Variants in RRBP1 observed in about 807,000 individuals in gnomAD.
RRBP1 encodes ribosome-binding protein 1.
A neutral mutation model predicts 165.2 loss-of-function variants in RRBP1; 94 were observed. The ratio of observed to expected loss-of-function variants is 0.57; its 90% CI spans 0.48 to 0.68. The LOEUF is 0.68. Ranked by LOEUF, RRBP1 falls within the 30% of genes least tolerant of loss-of-function variation. The pLI, the probability that RRBP1 is intolerant of heterozygous loss-of-function variation, is 0.00. For missense variants in RRBP1, 1,676 were observed against 1,763.0 expected (o/e 0.95, Z 0.88); for synonymous variants, 680 against 714.5 (o/e 0.95, Z 0.77).
Position 17,615,920 on chromosome 20 carries a change from C to T in RRBP1, c.3951+6G>A, listed in dbSNP as rs1331655935. ...GGGGGCTGAGAGCCACCAGGCAGGG[C>T]CTGACCTCCTCAAACTCGGCCGTGA... is the stretch of plus-strand genomic sequence containing the variant. On this transcript the variant is annotated splice_donor_region_variant and intron_variant, in intron 22 of 24. Coordinates refer to ENST00000377813, the MANE Select transcript of RRBP1 (RefSeq NM_001365613.2). 23 of 1,608,788 alleles carry T rather than the reference C, an allele frequency of 1.4e-5. No individual in the cohort carries two copies. Among genetic ancestry groups the T allele is most frequent in the Non-Finnish European group, 1.8e-5 (21 of 1,179,462 alleles).
chr20:17,627,436 G>A (rs376959703), intron 10 of RRBP1, 54 bp from the exon 11 acceptor site: 144 of 1,610,966 alleles, frequency 8.9e-5, no homozygotes, highest in Admixed American at 3.7e-4. Flanking sequence ...CTCACGCAGC[G>A]GGGCTAGTCC....
chr20:17,673,224 G>A (rs1048451540), intron 2 of RRBP1, among the ~76,000 whole-genome samples: 1 of 152,190 alleles, frequency 6.6e-6, no homozygotes, highest in Non-Finnish European at 1.5e-5. Context: ...CTGTTATGGA[G>A]CCCTGTTACT....
At chr20:17,617,681 TA>T (rs1678008337) in intron 20 of RRBP1, among the ~76,000 whole-genome samples, 1 of 152,240 alleles carries the variant, frequency 6.6e-6, no homozygotes, top group Non-Finnish European at 1.5e-5. Flanking sequence ...AGACCTGGCC[TA>T]GGCAGCACTG....
intron 4 of RRBP1, 41 bp downstream of exon 4, chr20:17,642,938 G>A (rs1238644389): frequency 4.4e-6 from 7 of 1,601,234 alleles, no homozygotes; most frequent in Non-Finnish European, 5.1e-6. Flanking sequence ...CTAGCCAGCT[G>A]CAGTGGCCTC....
At chr20:17,617,765 A>C (rs1043258172) in intron 20 of RRBP1, among the ~76,000 whole-genome samples, 1 of 152,082 alleles carries the variant, frequency 6.6e-6, no homozygotes, top group African/African-American at 2.4e-5. Context: ...CGTGTGCCGG[A>C]CTCACTGGCT....
intron 1 of RRBP1, among the ~76,000 whole-genome samples, chr20:17,680,847 C>G (rs751545039): frequency 6.6e-6 from 1 of 152,098 alleles, no homozygotes; most frequent in Non-Finnish European, 1.5e-5. Context: ...TGGCTCCTTC[C>G]TACAAGTGCT....
Position 17,660,384 on chromosome 20 carries a change from G to A in RRBP1, c.124C>T (p.Leu42=). 6.2e-7 allele frequency: 1 copy of A among 1,614,112 alleles called. No individual in the cohort carries two copies. The highest frequency in any genetic ancestry group is 1.7e-5 in the Admixed American group (1 of 60,010). Residue 42 remains leucine, a synonymous_variant, in exon 3 of 25, where the codon CTA becomes TTA. Coordinates refer to ENST00000377813, the MANE Select transcript of RRBP1 (RefSeq NM_001365613.2). ...GCCATCTCCTTGCGCTGGTTGGCTAGGGCTTCTTCATATGACGTTTCCTTC... is the reference window on the plus strand; with the variant it reads ...GCCATCTCCTTGCGCTGGTTGGCTAAGGCTTCTTCATATGACGTTTCCTTC... The part of the protein sequence containing the change: ...SMKETSYEEA[L]ANQRKEMAKT...
chr20:17,660,036 T>A lies in RRBP1; in HGVS notation c.472A>T (p.Asn158Tyr). 3 of 1,613,550 alleles carry A rather than the reference T, an allele frequency of 1.9e-6. No individual in the cohort carries two copies. The highest frequency in any genetic ancestry group is 2.5e-6 in the Non-Finnish European group (3 of 1,179,756). ...TTCGAAGTGAGAACCTGGATGGAATTCACTACAGAGCTGACAGCTGGTTCC... is the reference window on the plus strand; with the variant it reads ...TTCGAAGTGAGAACCTGGATGGAATACACTACAGAGCTGACAGCTGGTTCC... ...KVEPAVSSVV[N>Y]SIQVLTSKAA... Residue 158 changes from asparagine to tyrosine, a missense_variant, in exon 3 of 25, where the codon AAT (asparagine) becomes TAT (tyrosine). By Grantham distance (143) the Asn-to-Tyr change is moderately radical (BLOSUM62 -2). Transcript: ENST00000377813.
intron 3 of RRBP1, among the ~76,000 whole-genome samples, chr20:17,646,892 T>G (rs946439319): frequency 3.3e-5 from 5 of 152,188 alleles, no homozygotes; most frequent in African/African-American, 1.2e-4. Flanking sequence ...AGTGGCCTCA[T>G]GAGACTCAGC....
rs182919204 is a variant in RRBP1 at position 17,643,047 on chromosome 20, C to G, written c.1993G>C (p.Gly665Arg). 1 of 1,614,122 alleles carries G rather than the reference C, an allele frequency of 6.2e-7. No homozygotes were observed. Among genetic ancestry groups the G allele is most frequent in the Non-Finnish European group, 8.5e-7 (1 of 1,180,028 alleles). Residue 665 changes from glycine to arginine, a missense_variant, in exon 4 of 25, where the codon GGC (glycine) becomes CGC (arginine). This residue lies in a region of RRBP1 where 1,184 missense variants were observed against 1,167.1 expected (regional missense o/e 1.01). Coordinates refer to ENST00000377813, the MANE Select transcript of RRBP1 (RefSeq NM_001365613.2). This position sits in a 1 kb window ranked among gnomAD's most constrained non-coding sequence, Gnocchi z 4.3. ...ATCTCGATGAGCCGCTGGGCCTCGC[C>G]CTCGTTGAACACCATGCTCCCAACC... ...STVGSMVFNE[G>R]EAQRLIEILS... is the part of the protein sequence containing the mutation.
intron 3 of RRBP1, among the ~76,000 whole-genome samples, chr20:17,650,976 G>A (rs2036546214): frequency 6.6e-6 from 1 of 152,224 alleles, no homozygotes; most frequent in East Asian, 1.9e-4. Flanking sequence ...GTGCATAGGT[G>A]CTCAGTTAAC....
At position 17,641,809 on chromosome 20, in the gene RRBP1, C is replaced by T. The variant is rs190865947; in HGVS notation, c.2172G>A (p.Arg724=). The T allele has an allele frequency of 1.9e-6, 3 of 1,613,240 alleles. No individual in the cohort carries two copies. The highest frequency in any genetic ancestry group is 1.1e-5 in the South Asian group (1 of 91,050). ...EDAAVAKSKL[R]ELNKEMAAEK... is the part of the protein sequence containing the mutation. ...ACTCAGGCTGTACCTTGTTGAGCTC[C>T]CTCAGTTTGCTCTTGGCGACAGCCG... is the stretch of plus-strand genomic sequence containing the variant. Residue 724 remains arginine, a synonymous_variant, in exon 5 of 25, where the codon AGG becomes AGA. Transcript: ENST00000377813.
intron 8 of RRBP1, among the ~76,000 whole-genome samples, chr20:17,630,770 T>TGA (rs1568762261): frequency 6.6e-6 from 1 of 152,228 alleles, no homozygotes; most frequent in Non-Finnish European, 1.5e-5. Flanking sequence ...TGATTATTCA[T>TGA]TAACAAGCTT....
chr20:17,654,193 C>T (rs528367815), intron 3 of RRBP1, among the ~76,000 whole-genome samples: 2 of 152,332 alleles, frequency 1.3e-5, no homozygotes, highest in African/African-American at 4.8e-5. Flanking sequence ...CCTTCACAGT[C>T]TCCCTGTAGG....
At chr20:17,623,659 T>C (rs972065697) in intron 13 of RRBP1, among the ~76,000 whole-genome samples, 1 of 152,180 alleles carries the variant, frequency 6.6e-6, no homozygotes, top group African/African-American at 2.4e-5. Context: ...GGACTGGGCG[T>C]GGTGGTTCAC....
rs2122249009 is a variant in RRBP1 at position 17,619,413 on chromosome 20, T to C, written c.3675+220A>G. 8 of 454,152 alleles carry C rather than the reference T, an allele frequency of 1.8e-5. No individual in the cohort carries two copies. In the South Asian group the frequency reaches 2.8e-4, roughly 16 times the overall value. 28.1% of individuals were successfully genotyped at this position (454,152 alleles called of 1,614,324 possible). ...GGGCAGGGCTGCCTGGCTCTGCCCCTGTCCTGGCTGGGAGGCTGCCTTTTT... is the reference window on the plus strand; with the variant it reads ...GGGCAGGGCTGCCTGGCTCTGCCCCCGTCCTGGCTGGGAGGCTGCCTTTTT... On this transcript the variant is annotated intron_variant, in intron 19 of 24. Coordinates refer to ENST00000377813, the MANE Select transcript of RRBP1 (RefSeq NM_001365613.2).
At chr20:17,652,807 G>A (rs745493536) in intron 3 of RRBP1, among the ~76,000 whole-genome samples, 23 of 152,314 alleles carry the variant, frequency 1.5e-4, no homozygotes, top group Admixed American at 7.2e-4. Flanking sequence ...TGTCTCATCC[G>A]GGCTTGCTCA....
chr20:17,621,052 G>C (rs2035904092), intron 16 of RRBP1, among the ~76,000 whole-genome samples: 1 of 152,186 alleles, frequency 6.6e-6, no homozygotes, highest in Non-Finnish European at 1.5e-5. Flanking sequence ...AGGACCACTA[G>C]GATGCTTGTT....
At chr20:17,640,771 C>G (rs959702412) in intron 5 of RRBP1, among the ~76,000 whole-genome samples, 10 of 152,178 alleles carry the variant, frequency 6.6e-5, no homozygotes, top group Admixed American at 1.3e-4. Context: ...CTGGTCCTGC[C>G]CATCCCCCAC....
Sources: allele counts gnomAD v4.1 joint callset (sites outside exome capture counted in the v4.1 genomes callset), GRCh38; gene constraint gnomAD v4.1.1; regional missense constraint gnomAD v4.1.1; non-coding constraint Gnocchi (gnomAD v3.1); transcripts MANE v1.5; gene names NCBI Gene and HGNC (gene_info 2026-07-23, HGNC 2026-07-21).